The following ACOXL variants were observed in gnomAD, a reference collection of about 807,000 sequenced individuals.
The protein encoded by ACOXL is acyl-coenzyme A oxidase-like protein.
Under a neutral mutation model 71.9 loss-of-function variants are expected in ACOXL, and 70 were observed. That is an observed-to-expected ratio of 0.97 (90% CI 0.80 to 1.19). The LOEUF is 1.19. ACOXL is among the 50% of genes most tolerant of loss of function. The pLI is 0.00. For missense variants in ACOXL, 703 were observed against 736.3 expected, an observed-to-expected ratio of 0.95 and a Z score of 0.52; for synonymous variants, 253 against 281.6, an observed-to-expected ratio of 0.90 and a Z score of 1.02.
At chr2:111,052,953 C>T (rs2066366206) in intron 16 of ACOXL, among the ~76,000 whole-genome samples, 1 of 152,202 alleles carries the variant, frequency 6.6e-6, no homozygotes, top group African/African-American at 2.4e-5. Flanking sequence ...CAGCCTCTTT[C>T]AGGGTCCTCC....
rs529398736 is a variant in ACOXL, at chr2:110,975,133, A to G, written c.1060-11975A>G. On this transcript the variant is annotated intron_variant, in intron 12 of 17. Coordinates refer to ENST00000439055, the MANE Select transcript of ACOXL (RefSeq NM_001142807.4). ...AGAAAATAAAAGAGACCAAGCACAT[A>G]TCTGTTTTACTATAAGAAAGCTGAT... Among the ~76,000 whole-genome samples, 4 of 152,334 alleles carry G rather than the reference A, an allele frequency of 2.6e-5. No individual in the cohort carries two copies. In the South Asian group the frequency reaches 8.3e-4, roughly 32 times the overall value.
intron 14 of ACOXL, among the ~76,000 whole-genome samples, chr2:111,022,421 TCACACACACA>T (rs10543530): frequency 5.9e-4 from 87 of 147,504 alleles, no homozygotes; most frequent in East Asian, 2.8e-3. Context: ...AGACCCCTCC[TCACACACACA>T]CACACACACA....
chr2:110,915,656 G>T (rs2059832701), intron 11 of ACOXL, among the ~76,000 whole-genome samples: 1 of 151,604 alleles, frequency 6.6e-6, no homozygotes, highest in East Asian at 1.9e-4. Flanking sequence ...TCAAACTCCT[G>T]ACCTCAGGTG....
intron 10 of ACOXL, among the ~76,000 whole-genome samples, chr2:110,864,926 T>G (rs1422052625): frequency 6.6e-6 from 1 of 152,200 alleles, no homozygotes; most frequent in Non-Finnish European, 1.5e-5. Flanking sequence ...CAGGCACCTG[T>G]TGGCCCAGGT....
In ACOXL at chr2:111,014,897, A is replaced by G. The variant is rs149649215; in HGVS notation, c.1282-16730A>G. On this transcript the variant is annotated intron_variant, in intron 14 of 17. Transcript: ENST00000439055. ...AAAGAATTTTTTAATAGTGCAGGAAACATCTAGATATCTGAAGGAAAATAA... is the reference window on the plus strand; with the variant it reads ...AAAGAATTTTTTAATAGTGCAGGAAGCATCTAGATATCTGAAGGAAAATAA... Among the ~76,000 whole-genome samples, 637 of 152,348 alleles carry G rather than the reference A, an allele frequency of 4.2e-3. 5 individuals are homozygous for G. The highest frequency in any genetic ancestry group is 0.015 in the African/African-American group (604 of 41,586).
At chr2:110,759,638 T>G (rs181298194) in intron 1 of ACOXL, among the ~76,000 whole-genome samples, 3 of 152,326 alleles carry the variant, frequency 2.0e-5, no homozygotes, top group Admixed American at 2.0e-4. Context: ...TGGCAATCTT[T>G]TCACCCATTT....
intron 9 of ACOXL, among the ~76,000 whole-genome samples, chr2:110,832,825 G>A (rs1690007387): frequency 6.6e-6 from 1 of 152,174 alleles, no homozygotes; most frequent in South Asian, 2.1e-4. Context: ...CACATGAAAA[G>A]ATGTTTAACA....
rs574622666 is a variant in ACOXL at position 110,916,158 on chromosome 2, CTTA to C, written c.905+7258_905+7260del. ...AAACTATATGTGTTAATAATATTTCCTTATTATAATATTAATGACTGTAAGATC... is the reference window on the plus strand; with the variant it reads ...AAACTATATGTGTTAATAATATTTCCTTATAATATTAATGACTGTAAGATC... On this transcript the variant is annotated intron_variant, in intron 11 of 17. Coordinates refer to ENST00000439055, the MANE Select transcript of ACOXL (RefSeq NM_001142807.4). Among the ~76,000 whole-genome samples, 469 of 151,644 alleles carry C rather than the reference CTTA, an allele frequency of 3.1e-3. 3 individuals carry two copies. The highest frequency in any genetic ancestry group is 0.011 in the African/African-American group (442 of 41,428).
At chr2:110,852,758 T>C (rs1310016486) in intron 10 of ACOXL, among the ~76,000 whole-genome samples, 1 of 151,902 alleles carries the variant, frequency 6.6e-6, no homozygotes, top group Non-Finnish European at 1.5e-5. Flanking sequence ...TTTCCTGAGG[T>C]GGTTTGTCAC....
chr2:111,065,982 C>T (rs969922309), intron 16 of ACOXL, among the ~76,000 whole-genome samples: 4 of 152,114 alleles, frequency 2.6e-5, no homozygotes, highest in Non-Finnish European at 5.9e-5. Context: ...TCTTAGAAGA[C>T]GAAACACATG....
chr2:111,115,517 T>C (rs2070287193), intron 17 of ACOXL: 1 of 152,232 alleles, frequency 6.6e-6, no homozygotes, highest in Non-Finnish European at 1.5e-5. Flanking sequence ...GAATCCAGCA[T>C]ACCATTTGTG....
At chr2:110,825,530 G>A (rs919144455) in intron 9 of ACOXL, among the ~76,000 whole-genome samples, 2 of 151,962 alleles carry the variant, frequency 1.3e-5, no homozygotes, top group African/African-American at 4.8e-5. Context: ...GACGTCCTCC[G>A]GCTTTTTTCA....
At chr2:111,025,526 C>G (rs1033277349) in intron 14 of ACOXL, among the ~76,000 whole-genome samples, 1 of 152,166 alleles carries the variant, frequency 6.6e-6, no homozygotes, top group Non-Finnish European at 1.5e-5. Flanking sequence ...TTAGTGGGTG[C>G]GTAGTACCTT....
intron 14 of ACOXL, among the ~76,000 whole-genome samples, chr2:110,996,773 T>C (rs2063414990): frequency 6.6e-6 from 1 of 152,108 alleles, no homozygotes; most frequent in South Asian, 2.1e-4. Context: ...TGTCTCCTAG[T>C]ACAACACAGC....
chr2:110,971,038 A>G (rs1558806714), intron 12 of ACOXL, among the ~76,000 whole-genome samples: 1 of 152,222 alleles, frequency 6.6e-6, no homozygotes, highest in Non-Finnish European at 1.5e-5. Context: ...GATAAGCTAC[A>G]GACAGGGAGA....
chr2:111,022,082 G>A (rs1427945157), intron 14 of ACOXL, among the ~76,000 whole-genome samples: 1 of 152,212 alleles, frequency 6.6e-6, no homozygotes, highest in Non-Finnish European at 1.5e-5. Context: ...GCCGGACGTG[G>A]TGGCTCATGC....
chr2:110,957,049 T>C (rs1282712125), intron 12 of ACOXL, among the ~76,000 whole-genome samples: 2 of 151,852 alleles, frequency 1.3e-5, no homozygotes, highest in Non-Finnish European at 2.9e-5. Flanking sequence ...GGGTTTAGAG[T>C]TCCCTCTGTC....
intron 10 of ACOXL, among the ~76,000 whole-genome samples, chr2:110,888,892 A>G (rs1697626332): frequency 6.6e-6 from 1 of 152,244 alleles, no homozygotes; most frequent in Admixed American, 6.5e-5. Flanking sequence ...TGCCATTTAA[A>G]ACTTATGAAT....
chr2:110,936,786 C>T (rs889897041), intron 12 of ACOXL, among the ~76,000 whole-genome samples: 7 of 152,048 alleles, frequency 4.6e-5, no homozygotes, highest in South Asian at 2.1e-4. Flanking sequence ...TGGTGTGTAC[C>T]GCCCTGCTTG....
Sources: gnomAD v4.1 joint callset for allele counts (sites outside exome capture counted in the v4.1 genomes callset) on GRCh38, gnomAD v4.1.1 for gene constraint, MANE v1.5 for transcripts, NCBI Gene and HGNC (gene_info 2026-07-23, HGNC 2026-07-21) for gene names.